The following BANK1 variants were observed in gnomAD, a reference collection of about 807,000 sequenced individuals.
The protein encoded by BANK1 is B cell scaffold protein with ankyrin repeats 1, also known as B-cell scaffold protein with ankyrin repeats.
In BANK1, 95 loss-of-function variants were observed where a neutral mutation model predicts 94.5. That is an observed-to-expected ratio of 1.00 (90% confidence interval 0.85 to 1.19). The LOEUF (loss-of-function observed/expected upper bound fraction) is 1.19. BANK1 is among the 50% of genes most tolerant of loss of function. The pLI is 0.00. For missense variants in BANK1, 987 were observed against 932.2 expected, an observed-to-expected ratio of 1.06 and a Z score of -0.77; for synonymous variants, 334 against 308.4, an observed-to-expected ratio of 1.08 and a Z score of -0.87.
chr4:101,953,284 TC>T (rs2148915570), intron 7 of BANK1, among the ~76,000 whole-genome samples: 1 of 152,266 alleles, frequency 6.6e-6, no homozygotes, highest in East Asian at 1.9e-4. Context: ...AACTGTTTTT[TC>T]TCCATCTTTT....
intron 1 of BANK1, among the ~76,000 whole-genome samples, chr4:101,818,867 A>G (rs1051083509): frequency 7.2e-6 from 1 of 139,776 alleles, no homozygotes; most frequent in South Asian, 2.2e-4. Flanking sequence ...AAGAAAGATT[A>G]CTGTATTTTT....
intron 7 of BANK1, among the ~76,000 whole-genome samples, chr4:101,949,134 A>G (rs1427614116): frequency 6.6e-6 from 1 of 152,032 alleles, no homozygotes; most frequent in Non-Finnish European, 1.5e-5. Context: ...GATGGTTTCA[A>G]GATGACCCTA....
At chr4:101,964,039 T>C (rs1029833145) in intron 7 of BANK1, among the ~76,000 whole-genome samples, 2 of 152,130 alleles carry the variant, frequency 1.3e-5, no homozygotes, top group Non-Finnish European at 2.9e-5. Flanking sequence ...TGTATATGAA[T>C]TGGAAGTGGG....
At chr4:102,005,450 A>C (rs1211152146) in intron 7 of BANK1, among the ~76,000 whole-genome samples, 1 of 152,098 alleles carries the variant, frequency 6.6e-6, no homozygotes, top group Non-Finnish European at 1.5e-5. Context: ...GGTTCTGTGA[A>C]CTAGCAGAAA....
chr4:101,899,146 T>C (rs764781419), intron 6 of BANK1, among the ~76,000 whole-genome samples: 1 of 151,178 alleles, frequency 6.6e-6, no homozygotes, highest in Non-Finnish European at 1.5e-5. Context: ...TGTGAAGAAA[T>C]CAATGTAAAA....
rs1727604695 is a variant in BANK1 at position 102,038,762 on chromosome 4, T to C, written c.1901-5077T>C. Among the ~76,000 whole-genome samples the C allele has an allele frequency of 3.3e-5, 5 of 152,276 alleles. No homozygotes were observed. In the South Asian group the frequency reaches 1.0e-3, roughly 32 times the overall value. On this transcript the variant is annotated intron_variant, in intron 10 of 16. Coordinates refer to ENST00000322953, the MANE Select transcript of BANK1 (RefSeq NM_017935.5). ...TGTATCGAAAGATGACATATGCAAATGAAAACAATTTGTGTTCTACTCTGG... is the reference window on the plus strand; with the variant it reads ...TGTATCGAAAGATGACATATGCAAACGAAAACAATTTGTGTTCTACTCTGG...
At chr4:101,939,044 C>A (rs1295684676) in intron 7 of BANK1, among the ~76,000 whole-genome samples, 2 of 151,710 alleles carry the variant, frequency 1.3e-5, no homozygotes, top group Non-Finnish European at 3.0e-5. Context: ...AAATCTTAAT[C>A]TATTGCCAAA....
intron 7 of BANK1, among the ~76,000 whole-genome samples, chr4:101,992,153 C>T (rs1434037082): frequency 6.6e-6 from 1 of 152,150 alleles, no homozygotes; most frequent in Admixed American, 6.6e-5. Flanking sequence ...TTTATTATCA[C>T]TCTAATCATG....
intron 6 of BANK1, among the ~76,000 whole-genome samples, chr4:101,912,918 G>A (rs950967004): frequency 6.6e-6 from 1 of 152,116 alleles, no homozygotes; most frequent in African/African-American, 2.4e-5. Flanking sequence ...CTTTTAAAAT[G>A]CTGAAATAGT....
intron 1 of BANK1, chr4:101,813,777 C>A: frequency 1.4e-6 from 1 of 738,824 alleles, no homozygotes; most frequent in Non-Finnish European, 1.7e-6. Context: ...CCTTGGGGAG[C>A]TTCTGCGGGT....
chr4:102,066,970 G>A (rs1387936892), intron 13 of BANK1, among the ~76,000 whole-genome samples: 3 of 152,040 alleles, frequency 2.0e-5, no homozygotes, highest in Admixed American at 1.3e-4. Context: ...ATTGTTACGT[G>A]GTAAAGTTTA....
chr4:101,794,073 A>G (rs1725077207), intron 1 of BANK1, among the ~76,000 whole-genome samples: 1 of 152,156 alleles, frequency 6.6e-6, no homozygotes, highest in Non-Finnish European at 1.5e-5. Flanking sequence ...TGAAAGGAGA[A>G]AAGAATTCAT....
At chr4:102,026,034 T>C (rs535495013) in intron 9 of BANK1, among the ~76,000 whole-genome samples, 3 of 152,328 alleles carry the variant, frequency 2.0e-5, no homozygotes, top group South Asian at 4.1e-4. Flanking sequence ...AAAGGGTTTG[T>C]CGCACACTGC....
chr4:101,817,216 A>G (rs1443793170), intron 1 of BANK1, among the ~76,000 whole-genome samples: 1 of 152,158 alleles, frequency 6.6e-6, no homozygotes, highest in Non-Finnish European at 1.5e-5. Flanking sequence ...TATTATAAAG[A>G]CACATGCATA....
intron 7 of BANK1, among the ~76,000 whole-genome samples, chr4:101,999,499 T>C (rs964040699): frequency 1.3e-5 from 2 of 152,228 alleles, no homozygotes; most frequent in African/African-American, 4.8e-5. Context: ...TCTTCCAGAA[T>C]ACCTCTCTTC....
intron 1 of BANK1, 48 bp downstream of exon 1, chr4:101,790,998 G>T (rs1272670547): frequency 8.6e-6 from 12 of 1,399,420 alleles, no homozygotes. Context: ...GCCGGGCTAC[G>T]GGGCTCTGCG....
At chr4:101,982,797 A>G (rs78783846) in intron 7 of BANK1, among the ~76,000 whole-genome samples, 3,952 of 152,026 alleles carry the variant, frequency 0.026, 177 homozygotes, top group African/African-American at 0.091. Flanking sequence ...ATCATTAAGT[A>G]TAATTTAAAA....
chr4:101,839,937 A>ATTTTTTTTTTTTTTTTT lies in BANK1; in HGVS notation c.469+9764_469+9780dup, dbSNP rs70964197. ...GCTACTATATAATTTCAAATATTTA[A>ATTTTTTTTTTTTTTTTT]TTTTTTTTTTTTTTTTTTTTTTTTT... On this transcript the variant is annotated intron_variant, in intron 2 of 16. Coordinates refer to ENST00000322953, the MANE Select transcript of BANK1 (RefSeq NM_017935.5). Among the ~76,000 whole-genome samples the ATTTTTTTTTTTTTTTTT allele has an allele frequency of 5.7e-5, 3 of 53,090 alleles. 1 individual carries two copies. Among genetic ancestry groups the ATTTTTTTTTTTTTTTTT allele is most frequent in the Non-Finnish European group, 1.1e-4 (3 of 27,274 alleles). 34.8% of individuals were successfully genotyped at this position (53,090 alleles called of 152,430 possible).
At chr4:101,804,314 T>C (rs1452541295) in intron 1 of BANK1, among the ~76,000 whole-genome samples, 1 of 152,138 alleles carries the variant, frequency 6.6e-6, no homozygotes, top group African/African-American at 2.4e-5. Flanking sequence ...GCTACTGCAG[T>C]GAGATCAAGT....
Sources: allele counts gnomAD v4.1 joint callset (sites outside exome capture counted in the v4.1 genomes callset), GRCh38; gene constraint gnomAD v4.1.1; transcripts MANE v1.5; gene names NCBI Gene and HGNC (gene_info 2026-07-23, HGNC 2026-07-21).